The following RFX8 variants were observed in gnomAD, a reference collection of about 807,000 sequenced individuals.
RFX8 encodes regulatory factor X8, also known as DNA-binding protein RFX8.
Under a neutral mutation model 54.6 loss-of-function variants are expected in RFX8, and 46 were observed. The ratio of observed to expected loss-of-function variants is 0.84; its 90% CI spans 0.67 to 1.08. RFX8 has a LOEUF of 1.08. Ranked by LOEUF, RFX8 falls within the 50% of genes least tolerant of loss-of-function variation. The probability of loss-of-function intolerance (pLI) is 0.00; values close to 1 mark genes in which losing one functional copy is unlikely to be tolerated. For missense variants in RFX8, 536 were observed against 562.3 expected, an observed-to-expected ratio of 0.95 and a Z score of 0.47; for synonymous variants, 192 against 209.5, an observed-to-expected ratio of 0.92 and a Z score of 0.72.
rs538863041 is a variant in RFX8 at position 101,413,006 on chromosome 2, G to A, written c.627C>T (p.Ile209=). The A allele has an allele frequency of 1.3e-6, 2 of 1,551,906 alleles. No homozygotes were observed. Among genetic ancestry groups the A allele is most frequent in the South Asian group, 2.4e-5 (2 of 84,068 alleles). Residue 209 remains isoleucine, a synonymous_variant, in exon 8 of 12, where the codon ATC becomes ATT. Transcript: ENST00000428343. ...AAGTAGCCAAAGTGCCTTGATTGATGATGGCCTGTAGATCTGACTTCAAAA... is the reference window on the plus strand; with the variant it reads ...AAGTAGCCAAAGTGCCTTGATTGATAATGGCCTGTAGATCTGACTTCAAAA... ...VSVLKSDLQA[I]INQGTLATSK... is the part of the protein sequence containing the mutation.
At chr2:101,431,901 G>A (rs1338066587) in intron 2 of RFX8, among the ~76,000 whole-genome samples, 1 of 152,176 alleles carries the variant, frequency 6.6e-6, no homozygotes, top group Non-Finnish European at 1.5e-5. Flanking sequence ...AAGCCTGAAG[G>A]GACGTGCCTG....
chr2:101,422,295 G>A, intron 3 of RFX8, 67 bp downstream of exon 3: 1 of 793,830 alleles, frequency 1.3e-6, no homozygotes. Context: ...GGCACAAAAG[G>A]AAGCTATTTA....
intron 2 of RFX8, among the ~76,000 whole-genome samples, chr2:101,464,632 C>T (rs921087057): frequency 6.6e-5 from 10 of 152,212 alleles, no homozygotes; most frequent in South Asian, 4.1e-4. Context: ...TGATGTGGCC[C>T]GTTTTTCAGG....
chr2:101,457,712 T>G (rs1044694459), intron 2 of RFX8, among the ~76,000 whole-genome samples: 7 of 152,214 alleles, frequency 4.6e-5, no homozygotes, highest in Non-Finnish European at 7.3e-5. Context: ...GTTCTGTAGA[T>G]GTCTATTAGG....
At chr2:101,429,108 T>G in intron 2 of RFX8, 1 of 771,526 alleles carries the variant, frequency 1.3e-6, no homozygotes, top group Non-Finnish European at 2.2e-6. Context: ...GCAAGGTTAT[T>G]TGTTTAGGGG....
chr2:101,429,856 G>A (rs1311611171), intron 2 of RFX8, among the ~76,000 whole-genome samples: 14 of 152,196 alleles, frequency 9.2e-5, no homozygotes, highest in Admixed American at 9.2e-4. Context: ...GAGGACCTGG[G>A]AGGAGGTGGG....
At chr2:101,420,463 G>T (rs965770332) in intron 4 of RFX8, among the ~76,000 whole-genome samples, 5 of 152,012 alleles carry the variant, frequency 3.3e-5, no homozygotes, top group Admixed American at 2.0e-4. Context: ...AGAATCGCTT[G>T]AACTCAGGAG....
intron 2 of RFX8, among the ~76,000 whole-genome samples, chr2:101,465,709 A>T (rs1255656353): frequency 6.6e-6 from 1 of 152,210 alleles, no homozygotes; most frequent in African/African-American, 2.4e-5. Context: ...GCTTACCTTA[A>T]TTTCAACTCT....
chr2:101,438,957 G>A (rs541886716), intron 2 of RFX8, among the ~76,000 whole-genome samples: 39 of 152,130 alleles, frequency 2.6e-4, no homozygotes, highest in South Asian at 6.2e-4. Flanking sequence ...GATTACAGGC[G>A]CCCGCCACCA....
At chr2:101,466,459 G>A (rs1422916010) in intron 2 of RFX8, among the ~76,000 whole-genome samples, 1 of 152,202 alleles carries the variant, frequency 6.6e-6, no homozygotes, top group African/African-American at 2.4e-5. Context: ...CTCAGAGCTT[G>A]GCACTTCTAT....
At chr2:101,429,396 G>A (rs1398173733) in intron 2 of RFX8, among the ~76,000 whole-genome samples, 1 of 152,130 alleles carries the variant, frequency 6.6e-6, no homozygotes, top group Non-Finnish European at 1.5e-5. Context: ...TAAATTGATG[G>A]ATGTAGAAGA....
chr2:101,450,243 C>T (rs1407578094), intron 2 of RFX8, among the ~76,000 whole-genome samples: 1 of 152,044 alleles, frequency 6.6e-6, no homozygotes, highest in East Asian at 1.9e-4. Context: ...TATTTTGAGA[C>T]AGGGTCTCAC....
At chr2:101,455,018 TTC>T (rs1379306470) in intron 2 of RFX8, among the ~76,000 whole-genome samples, 12 of 118,790 alleles carry the variant, frequency 1.0e-4, no homozygotes, top group South Asian at 8.4e-4. Context: ...TTTTTCTTTT[TTC>T]TTTTTTTTTT....
At position 101,475,063 on chromosome 2, in the gene RFX8, TTGCTGTGTG is replaced by T. The variant is rs575215517; in HGVS notation, c.-489_-481del. Among the ~76,000 whole-genome samples, 784 of 152,266 alleles carry T rather than the reference TTGCTGTGTG, an allele frequency of 5.1e-3. 6 individuals carry two copies. The highest frequency in any genetic ancestry group is 0.018 in the African/African-American group (749 of 41,576). ...TCAAGAGCCATTTATGTCAGTGTCA[TTGCTGTGTG>T]ACATGGAGCTGCTGGCCATCTCCAA... is the stretch of plus-strand genomic sequence containing the variant. On this transcript the variant is annotated 5_prime_UTR_variant, in exon 1 of 12. Transcript: ENST00000428343.
chr2:101,450,260 A>G (rs1178909820), intron 2 of RFX8, among the ~76,000 whole-genome samples: 1 of 152,140 alleles, frequency 6.6e-6, no homozygotes, highest in East Asian at 1.9e-4. Flanking sequence ...TCACTCTGTC[A>G]CCCAGGCTGG....
At chr2:101,427,362 C>A (rs1687234793) in intron 2 of RFX8, among the ~76,000 whole-genome samples, 1 of 152,124 alleles carries the variant, frequency 6.6e-6, no homozygotes, top group Non-Finnish European at 1.5e-5. Context: ...TTCCCAGCTG[C>A]AGGGAGCCAG....
chr2:101,406,934 C>T (rs988152518), intron 9 of RFX8, among the ~76,000 whole-genome samples: 1 of 152,220 alleles, frequency 6.6e-6, no homozygotes, highest in African/African-American at 2.4e-5. Context: ...CTGACAGCCT[C>T]ATTGGCACTA....
Position 101,464,095 on chromosome 2 carries a change from C to T in RFX8, c.72+2682G>A, listed in dbSNP as rs1171019736. 3.3e-5 allele frequency among the ~76,000 whole-genome samples: 5 copies of T among 152,120 alleles called. No homozygotes were observed. In the East Asian group the frequency reaches 5.8e-4, roughly 18 times the overall value. On this transcript the variant is annotated intron_variant, in intron 2 of 11. Transcript: ENST00000428343. ...CAGACACAGAACAGGAAGATGAAGTCGCCATGTGGTTACTTCTCCAGCTCC... is the reference window on the plus strand; with the variant it reads ...CAGACACAGAACAGGAAGATGAAGTTGCCATGTGGTTACTTCTCCAGCTCC...
chr2:101,424,403 C>T (rs1687054422), intron 2 of RFX8, among the ~76,000 whole-genome samples: 1 of 152,152 alleles, frequency 6.6e-6, no homozygotes, highest in Admixed American at 6.5e-5. Flanking sequence ...AATAGGAATG[C>T]TTTTACACTG....
Sources: gnomAD v4.1 joint callset for allele counts (sites outside exome capture counted in the v4.1 genomes callset) on GRCh38, gnomAD v4.1.1 for gene constraint, MANE v1.5 for transcripts, NCBI Gene and HGNC (gene_info 2026-07-23, HGNC 2026-07-21) for gene names.